Variants in CPNE8 observed in about 807,000 individuals in gnomAD.
CPNE8 encodes the protein copine 8.
In CPNE8, 45 loss-of-function variants were observed where a neutral mutation model predicts 81.5. That is an observed-to-expected ratio of 0.55 (90% CI 0.44 to 0.71). The LOEUF is 0.71. Among genes scored for constraint, CPNE8 ranks in the 30% least tolerant of loss-of-function variants. The probability of loss-of-function intolerance (pLI) is 0.00; values close to 1 mark genes in which losing one functional copy is unlikely to be tolerated. For synonymous variants in CPNE8, 252 were observed against 226.3 expected (o/e 1.11, Z -1.02); for missense variants, 594 against 672.1 (o/e 0.88, Z 1.28).
At chr12:38,900,654 G>T (rs1472517745) in intron 1 of CPNE8, among the ~76,000 whole-genome samples, 2 of 152,156 alleles carry the variant, frequency 1.3e-5, no homozygotes, top group East Asian at 3.9e-4. Flanking sequence ...AGCCACAAAA[G>T]CATGAGGAGT....
intron 13 of CPNE8, among the ~76,000 whole-genome samples, chr12:38,714,783 C>G (rs112735339): frequency 1.3e-5 from 2 of 151,958 alleles, no homozygotes; most frequent in African/African-American, 4.8e-5. Context: ...CAATATTTTA[C>G]GGATTGAGAC....
At chr12:38,900,726 C>T (rs987575347) in intron 1 of CPNE8, among the ~76,000 whole-genome samples, 1 of 151,978 alleles carries the variant, frequency 6.6e-6, no homozygotes, top group Non-Finnish European at 1.5e-5. Flanking sequence ...ATTTTTTAGC[C>T]GTATTTCTCG....
In CPNE8 at chr12:38,814,485, C is replaced by CT. The variant is rs369487138; in HGVS notation, c.407+14893dup. Among the ~76,000 whole-genome samples, 522 of 151,288 alleles carry CT rather than the reference C, an allele frequency of 3.5e-3. 2 individuals carry two copies. The highest frequency in any genetic ancestry group is 0.011 in the African/African-American group (466 of 41,276). ...GCACACACCACAATGCCCAGCTAAT[C>CT]TTTTTTTTGGTATTTTTAATAGAAA... On this transcript the variant is annotated intron_variant, in intron 6 of 19. Transcript: ENST00000331366.
intron 10 of CPNE8, among the ~76,000 whole-genome samples, chr12:38,744,118 T>A (rs893442866): frequency 6.6e-6 from 1 of 152,162 alleles, no homozygotes; most frequent in Non-Finnish European, 1.5e-5. Context: ...CTTCTGAATA[T>A]CAGAAGAAAT....
chr12:38,717,966 C>A (rs1326082377), intron 13 of CPNE8, among the ~76,000 whole-genome samples: 6 of 151,814 alleles, frequency 4.0e-5, no homozygotes, highest in Non-Finnish European at 7.4e-5. Flanking sequence ...ATTATAAAAA[C>A]CAAATTAAAT....
intron 17 of CPNE8, 81 bp from the exon 18 acceptor site, chr12:38,675,855 C>T: frequency 1.1e-6 from 1 of 929,490 alleles, no homozygotes; most frequent in Non-Finnish European, 1.7e-6. Flanking sequence ...CATGATATCT[C>T]ACTCTTGAAA....
intron 10 of CPNE8, among the ~76,000 whole-genome samples, chr12:38,749,929 T>G (rs1178583957): frequency 6.6e-6 from 1 of 152,010 alleles, no homozygotes; most frequent in Non-Finnish European, 1.5e-5. Context: ...CCCAAGACAA[T>G]GGGGAAAATG....
intron 10 of CPNE8, among the ~76,000 whole-genome samples, chr12:38,739,324 C>A (rs533025219): frequency 6.6e-6 from 1 of 152,138 alleles, no homozygotes; most frequent in South Asian, 2.1e-4. Context: ...TATACTTTTT[C>A]AACCAAATGA....
At chr12:38,794,172 G>T (rs1942398149) in intron 6 of CPNE8, among the ~76,000 whole-genome samples, 1 of 152,072 alleles carries the variant, frequency 6.6e-6, no homozygotes, top group Non-Finnish European at 1.5e-5. Context: ...AAAAGTACAG[G>T]CAACGAAAAG....
At position 38,905,570 on chromosome 12, in the gene CPNE8, A is replaced by G. The variant is rs1944558938; in HGVS notation, c.-36T>C. The G allele has an allele frequency of 6.5e-7, 1 of 1,545,458 alleles. No homozygotes were observed. The highest frequency in any genetic ancestry group is 2.0e-5 in the Admixed American group (1 of 51,032). On this transcript the variant is annotated 5_prime_UTR_variant, in exon 1 of 20. Transcript: ENST00000331366. The stretch of plus-strand genomic sequence containing the variant: ...GGCGCCTTGGACTTGTCCGGCGCCC[A>G]CAACCACAGCTCGGGCGGACTGAGG...
intron 13 of CPNE8, among the ~76,000 whole-genome samples, chr12:38,719,478 C>A (rs1247749437): frequency 6.6e-6 from 1 of 151,208 alleles, no homozygotes; most frequent in East Asian, 2.0e-4. Context: ...TGGCACATGC[C>A]TGTAATCCCA....
chr12:38,826,688 T>C (rs1943199438), intron 6 of CPNE8, among the ~76,000 whole-genome samples: 1 of 152,162 alleles, frequency 6.6e-6, no homozygotes, highest in South Asian at 2.1e-4. Context: ...ATTCACCACA[T>C]ACCCCAATCA....
At chr12:38,796,759 A>G (rs1268804721) in intron 6 of CPNE8, among the ~76,000 whole-genome samples, 1 of 152,108 alleles carries the variant, frequency 6.6e-6, no homozygotes, top group Non-Finnish European at 1.5e-5. Flanking sequence ...CTCACTCGGG[A>G]AGCTCAAGTG....
chr12:38,867,339 TGAGAGAGAGAGAGA>T (rs367740036), intron 3 of CPNE8, among the ~76,000 whole-genome samples: 37 of 122,096 alleles, frequency 3.0e-4, no homozygotes, highest in African/African-American at 1.0e-3. Context: ...TGTGTGTGTG[TGAGAGAGAGAGAGA>T]GAGAGAGAGA....
At chr12:38,809,318 C>A (rs1942887320) in intron 6 of CPNE8, among the ~76,000 whole-genome samples, 1 of 152,138 alleles carries the variant, frequency 6.6e-6, no homozygotes, top group Non-Finnish European at 1.5e-5. Flanking sequence ...CACGTGGCCT[C>A]CATGTCTTCA....
At chr12:38,760,447 ATATATG>A (rs1292146621) in intron 10 of CPNE8, among the ~76,000 whole-genome samples, 1,626 of 141,474 alleles carry the variant, frequency 0.011, 99 homozygotes, top group African/African-American at 0.039. Flanking sequence ...ATATATATAT[ATATATG>A]TGTGTGTATA....
chr12:38,833,372 A>G (rs989179489), intron 5 of CPNE8, among the ~76,000 whole-genome samples: 2 of 148,716 alleles, frequency 1.3e-5, no homozygotes, highest in African/African-American at 5.0e-5. Flanking sequence ...AAAAAAAAAA[A>G]GAAAAGAAAA....
chr12:38,806,020 C>T (rs1465728534), intron 6 of CPNE8, among the ~76,000 whole-genome samples: 1 of 150,206 alleles, frequency 6.7e-6, no homozygotes, highest in African/African-American at 2.4e-5. Context: ...GGATAAATTC[C>T]TTGACACATA....
intron 6 of CPNE8, among the ~76,000 whole-genome samples, chr12:38,795,689 A>C (rs2136940180): frequency 6.6e-6 from 1 of 152,328 alleles, no homozygotes; most frequent in African/African-American, 2.4e-5. Flanking sequence ...AAGAGAAAGT[A>C]GAATGGTAAT....
Sources: allele counts gnomAD v4.1 joint callset (sites outside exome capture counted in the v4.1 genomes callset), GRCh38; gene constraint gnomAD v4.1.1; transcripts MANE v1.5; gene names NCBI Gene and HGNC (gene_info 2026-07-23, HGNC 2026-07-21).